ELOVL5: variants seen among roughly 807,000 people sequenced by gnomAD.
ELOVL5 encodes the protein very long chain fatty acid elongase 5.
A neutral mutation model predicts 38.6 loss-of-function variants in ELOVL5; 8 were observed. The observed-to-expected ratio is 0.21, with a 90% CI of 0.12 to 0.37. The LOEUF is 0.37. Ranked by LOEUF, ELOVL5 falls within the 10% of genes least tolerant of loss-of-function variation. ELOVL5 has a pLI of 1.00. For missense variants in ELOVL5, 280 were observed against 367.8 expected (o/e 0.76, Z 1.95); for synonymous variants, 127 against 133.7 (o/e 0.95, Z 0.34).
At chr6:53,314,558 C>G (rs897517434) in intron 1 of ELOVL5, among the ~76,000 whole-genome samples, 12 of 152,052 alleles carry the variant, frequency 7.9e-5, no homozygotes, top group African/African-American at 2.9e-4. Context: ...TACTGAGCAC[C>G]AAATGTGTAA....
chr6:53,278,772 T>C (rs1766240910), intron 3 of ELOVL5, among the ~76,000 whole-genome samples: 1 of 152,156 alleles, frequency 6.6e-6, no homozygotes, highest in Non-Finnish European at 1.5e-5. Flanking sequence ...CAACACTCCC[T>C]CCACTGCTAC....
chr6:53,275,016 T>C (rs760189645), intron 5 of ELOVL5, 74 bp downstream of exon 5: 3 of 1,444,196 alleles, frequency 2.1e-6, no homozygotes, highest in Non-Finnish European at 2.8e-6. Flanking sequence ...AAACAGCACC[T>C]TTTCTGAAAG....
chr6:53,317,796 A>G (rs1309304932), intron 1 of ELOVL5, among the ~76,000 whole-genome samples: 1 of 151,556 alleles, frequency 6.6e-6, no homozygotes, highest in Non-Finnish European at 1.5e-5. Flanking sequence ...AAGTATAATA[A>G]TAATAAAATT....
intron 4 of ELOVL5, 94 bp downstream of exon 4, chr6:53,276,085 G>C: frequency 1.3e-6 from 1 of 770,372 alleles, no homozygotes; most frequent in East Asian, 2.7e-5. Flanking sequence ...GGATTGCCTG[G>C]GCAGTGAGGT....
intron 1 of ELOVL5, among the ~76,000 whole-genome samples, chr6:53,303,958 C>T (rs1441532323): frequency 6.6e-6 from 1 of 152,172 alleles, no homozygotes; most frequent in African/African-American, 2.4e-5. Context: ...TGTTACAAAG[C>T]CTACTTCCAC....
intron 1 of ELOVL5, among the ~76,000 whole-genome samples, chr6:53,304,221 C>T (rs1208447836): frequency 2.0e-5 from 3 of 152,156 alleles, no homozygotes; most frequent in Non-Finnish European, 2.9e-5. Context: ...ACACCTGACT[C>T]CACAATGGCA....
chr6:53,339,593 T>C (rs1769233694), intron 1 of ELOVL5, among the ~76,000 whole-genome samples: 1 of 152,234 alleles, frequency 6.6e-6, no homozygotes, highest in African/African-American at 2.4e-5. Context: ...AACATTATAA[T>C]GGAGCTGAAA....
chr6:53,293,794 T>C (rs1053422250), intron 2 of ELOVL5, among the ~76,000 whole-genome samples: 2 of 152,222 alleles, frequency 1.3e-5, no homozygotes, highest in African/African-American at 4.8e-5. Flanking sequence ...ATTTCTCTCA[T>C]GGCTGGCTTG....
Position 53,304,278 on chromosome 6 carries a change from C to T in ELOVL5, c.-8-8571G>A, listed in dbSNP as rs191452716. ...ATCCTAGTTACAGATGGCATTTCCT[C>T]GGGGAAAACTTTCTCAGTGCTAGTT... On this transcript the variant is annotated intron_variant, in intron 1 of 7. Coordinates refer to ENST00000304434, the MANE Select transcript of ELOVL5 (RefSeq NM_021814.5). 1.2e-4 allele frequency among the ~76,000 whole-genome samples: 19 copies of T among 152,288 alleles called. No homozygotes were observed. In the East Asian group the frequency reaches 1.7e-3, roughly 14 times the overall value.
chr6:53,316,496 G>T (rs1173774951), intron 1 of ELOVL5, among the ~76,000 whole-genome samples: 5 of 151,994 alleles, frequency 3.3e-5, no homozygotes, highest in African/African-American at 1.2e-4. Context: ...AAGGAGGTAA[G>T]AGCTCCAGAG....
intron 3 of ELOVL5, among the ~76,000 whole-genome samples, chr6:53,287,542 C>T (rs564339416): frequency 1.5e-3 from 225 of 152,142 alleles, no homozygotes; most frequent in African/African-American, 4.1e-3. Flanking sequence ...ATGGGATAGC[C>T]AAAGAGGCTG....
chr6:53,326,100 G>A (rs976614431), intron 1 of ELOVL5, among the ~76,000 whole-genome samples: 2 of 152,152 alleles, frequency 1.3e-5, no homozygotes, highest in Admixed American at 6.5e-5. Flanking sequence ...GGTGTGAAAG[G>A]ACACAGTAGA....
At chr6:53,321,166 A>C (rs888819967) in intron 1 of ELOVL5, among the ~76,000 whole-genome samples, 1 of 152,224 alleles carries the variant, frequency 6.6e-6, no homozygotes, top group African/African-American at 2.4e-5. Flanking sequence ...GCAAGAGGTC[A>C]TACTCGCAAT....
rs541638918 is a variant in ELOVL5, at chr6:53,341,689, G to A, written c.-9+7128C>T. ...CTCTTTAAAATTTGCAGAATATTCC[G>A]TTGCCCAGCTGTAGCATGATTTATT... On this transcript the variant is annotated intron_variant, in intron 1 of 7. Transcript: ENST00000304434. Among the ~76,000 whole-genome samples the A allele has an allele frequency of 3.3e-5, 5 of 152,250 alleles. No homozygotes were observed. In the South Asian group the frequency reaches 8.3e-4, roughly 25 times the overall value.
At chr6:53,294,471 TGAGGACA>T (rs1766913160) in intron 2 of ELOVL5, 1 of 1,550,408 alleles carries the variant, frequency 6.4e-7, no homozygotes, top group Non-Finnish European at 8.7e-7. Context: ...GGACCCATTC[TGAGGACA>T]GAGCTGCTGA....
intron 1 of ELOVL5, among the ~76,000 whole-genome samples, chr6:53,330,500 ATT>A (rs1020593555): frequency 3.8e-5 from 4 of 104,640 alleles, no homozygotes; most frequent in Non-Finnish European, 8.7e-5. Context: ...TTATGGTAAC[ATT>A]TTTTTCTTTA....
intron 6 of ELOVL5, among the ~76,000 whole-genome samples, chr6:53,271,505 G>A (rs558363336): frequency 1.0e-3 from 159 of 152,124 alleles, no homozygotes; most frequent in African/African-American, 3.5e-3. Context: ...AACCGAGATC[G>A]CGCCACTGCA....
chr6:53,294,594 A>G, intron 2 of ELOVL5: 2 of 1,386,272 alleles, frequency 1.4e-6, no homozygotes, highest in Non-Finnish European at 1.9e-6. Context: ...ATGCAAGCTA[A>G]TAATTATTAT....
chr6:53,304,561 G>A (rs557603645), intron 1 of ELOVL5, among the ~76,000 whole-genome samples: 2 of 152,290 alleles, frequency 1.3e-5, no homozygotes, highest in South Asian at 4.1e-4. Context: ...GTGAACAAAG[G>A]TCTCTGGTTT....
Sources: allele counts gnomAD v4.1 joint callset (sites outside exome capture counted in the v4.1 genomes callset), GRCh38; gene constraint gnomAD v4.1.1; transcripts MANE v1.5; gene names NCBI Gene and HGNC (gene_info 2026-07-23, HGNC 2026-07-21).